CLUAP1: variants seen among roughly 807,000 people sequenced by gnomAD.
The protein encoded by CLUAP1 is intraflagellar transport 38.
CLUAP1 carries 50 observed loss-of-function variants against 55.0 expected under a neutral mutation model. The observed-to-expected ratio is 0.91, with a 90% CI of 0.72 to 1.15. CLUAP1 has a LOEUF of 1.15. Among genes scored for constraint, CLUAP1 ranks in the 50% most tolerant of loss-of-function variants. The pLI is 0.00. For missense variants in CLUAP1, 530 were observed against 507.6 expected (o/e 1.04, Z -0.42); for synonymous variants, 195 against 175.4 (o/e 1.11, Z -0.88).
At chr16:3,500,757 C>A (rs1202070921), upstream of CLUAP1, among the ~76,000 whole-genome samples, 1 of 152,234 alleles carries the variant, frequency 6.6e-6, no homozygotes, top group Non-Finnish European at 1.5e-5. Context: ...AGTAGGTACT[C>A]AGAACCTGTC....
chr16:3,504,744 TG>T lies in CLUAP1; in HGVS notation c.50del (p.Gly17AspfsTer27). ...LRNFTEMMRA[L>X]GYPRHISMEN... ...GATTTCACAGAGATGATGAGAGCCC[TG>T]GGATACCCTCGACATATTTCTATGG... On this transcript the variant is annotated frameshift_variant, in exon 2 of 12. Transcript: ENST00000576634. LOFTEE classifies it high-confidence loss of function. 1 of 1,610,440 alleles carries T rather than the reference TG, an allele frequency of 6.2e-7. No individual in the cohort carries two copies. Among genetic ancestry groups the T allele is most frequent in the Non-Finnish European group, 8.5e-7 (1 of 1,176,558 alleles).
upstream of CLUAP1, chr16:3,496,863 T>C: frequency 6.9e-6 from 2 of 288,100 alleles, no homozygotes; most frequent in South Asian, 6.5e-5. Flanking sequence ...GATTTTTCTT[T>C]TTTTCTTTTC....
chr16:3,504,926 G>A (rs2037473918), intron 2 of CLUAP1, 95 bp downstream of exon 2: 3 of 820,396 alleles, frequency 3.7e-6, no homozygotes, highest in South Asian at 1.4e-5. Context: ...GCTGCAAAAG[G>A]GAAAGTTTTT....
chr16:3,515,556 GA>G lies in CLUAP1; in HGVS notation c.549del (p.Val184Ter). On this transcript the variant is annotated frameshift_variant, in exon 6 of 12. Coordinates refer to ENST00000576634, the MANE Select transcript of CLUAP1 (RefSeq NM_015041.3). LOFTEE classifies it high-confidence loss of function. ...IARPLEINET[E>X]KVMRIAIKEI... ...CAGACCTCTGGAAATAAACGAGACTGAAAAAGTGATGAGAATTGCAATAAAA... is the reference window on the plus strand; with the variant it reads ...CAGACCTCTGGAAATAAACGAGACTGAAAAGTGATGAGAATTGCAATAAAA... 1 of 1,600,144 alleles carries G rather than the reference GA, an allele frequency of 6.2e-7. No homozygotes were observed. The highest frequency in any genetic ancestry group is 8.5e-7 in the Non-Finnish European group (1 of 1,176,392).
upstream of CLUAP1, chr16:3,496,802 CA>C (rs1223384670): frequency 2.3e-5 from 8 of 343,290 alleles, no homozygotes; most frequent in South Asian, 7.4e-5. Context: ...TGGATGCTGA[CA>C]AAAAAACAAA....
chr16:3,533,429 G>C lies in CLUAP1; in HGVS notation c.1092+588G>C, dbSNP rs772484772. The C allele has an allele frequency of 1.5e-4, 73 of 482,816 alleles. No individual in the cohort carries two copies. In the Middle Eastern group the frequency reaches 1.7e-3, roughly 11 times the overall value. 29.9% of individuals were successfully genotyped at this position (482,816 alleles called of 1,614,324 possible). ...AGGAGGACGCCGAGGGCCGGGCTCA[G>C]GACCAACCCCCCTCCCTGTTCTGTG... On this transcript the variant is annotated intron_variant, in intron 11 of 11. Transcript: ENST00000576634.
In CLUAP1 at chr16:3,508,302, A is replaced by T; in HGVS notation, c.233A>T (p.His78Leu). 1 of 1,598,502 alleles carries T rather than the reference A, an allele frequency of 6.3e-7. No individual in the cohort carries two copies. Among genetic ancestry groups the T allele is most frequent in the Non-Finnish European group, 8.5e-7 (1 of 1,176,186 alleles). Reference sequence around the variant, plus strand: ...GTCTAAAAATAGGCCACCAAGGCACATATAAAACTCAACACTAAGAAGCTT... The same window carrying T: ...GTCTAAAAATAGGCCACCAAGGCACTTATAAAACTCAACACTAAGAAGCTT... The part of the protein sequence containing the change: ...AIAQFMATKA[H>L]IKLNTKKLYQ... Residue 78 changes from histidine to leucine, a missense_variant, in exon 4 of 12, where the codon CAT (histidine) becomes CTT (leucine). Physicochemically the swap from His to Leu is moderately conservative, Grantham distance 99. Coordinates refer to ENST00000576634, the MANE Select transcript of CLUAP1 (RefSeq NM_015041.3).
chr16:3,500,296 G>C (rs561801388), upstream of CLUAP1, among the ~76,000 whole-genome samples: 1 of 152,182 alleles, frequency 6.6e-6, no homozygotes, highest in African/African-American at 2.4e-5. Flanking sequence ...TCCTCCGCTC[G>C]GCAACCAGAT....
intron 2 of CLUAP1, among the ~76,000 whole-genome samples, chr16:3,505,533 C>T (rs1205112330): frequency 7.1e-5 from 9 of 126,640 alleles, no homozygotes; most frequent in Non-Finnish European, 1.1e-4. Flanking sequence ...GGTGAAAGAG[C>T]GAGACTCCGT....
At chr16:3,525,257 CGTT>C (rs2037919269) in intron 8 of CLUAP1, among the ~76,000 whole-genome samples, 1 of 152,100 alleles carries the variant, frequency 6.6e-6, no homozygotes, top group Admixed American at 6.5e-5. Context: ...TGAAAAGAAA[CGTT>C]GGCCATTTTT....
At chr16:3,505,119 G>C (rs1471678178) in intron 2 of CLUAP1, among the ~76,000 whole-genome samples, 1 of 152,168 alleles carries the variant, frequency 6.6e-6, no homozygotes, top group Non-Finnish European at 1.5e-5. Context: ...CACACTCATA[G>C]TTCCAGCGAC....
chr16:3,508,954 T>C (rs1466367807), intron 4 of CLUAP1, among the ~76,000 whole-genome samples: 1 of 143,152 alleles, frequency 7.0e-6, no homozygotes, highest in Non-Finnish European at 1.5e-5. Context: ...TCAGGGTGTC[T>C]CAGGATGATA....
chr16:3,526,034 C>A (rs2037934493), intron 8 of CLUAP1, among the ~76,000 whole-genome samples: 1 of 152,128 alleles, frequency 6.6e-6, no homozygotes, highest in Admixed American at 6.6e-5. Context: ...TACTTTCTTC[C>A]TTTGAAAGCA....
chr16:3,516,861 C>T (rs761780800), intron 6 of CLUAP1, among the ~76,000 whole-genome samples: 4 of 151,802 alleles, frequency 2.6e-5, no homozygotes, highest in Admixed American at 1.3e-4. Context: ...AGGAGAAGTA[C>T]GAGAAAGTAA....
Position 3,537,664 on chromosome 16 carries a change from G to T in CLUAP1, c.*1393G>T, listed in dbSNP as rs1226821695. The T allele has an allele frequency of 6.9e-6, 1 of 145,902 alleles. No individual in the cohort carries two copies. Among genetic ancestry groups the T allele is most frequent in the Non-Finnish European group, 1.5e-5 (1 of 66,122 alleles). 9.0% of individuals were successfully genotyped at this position (145,902 alleles called of 1,614,324 possible). A position where few individuals can be genotyped will look rare whatever the true frequency, so the allele number is the denominator to read the frequency against. On this transcript the variant is annotated 3_prime_UTR_variant, in exon 12 of 12. Transcript: ENST00000576634. ...AGCCTGGGTGACAGAGTGAGACCCT[G>T]TCTTTAAAAAAAAGAAAAAGAAAAG... is the stretch of plus-strand genomic sequence containing the variant.
intron 9 of CLUAP1, among the ~76,000 whole-genome samples, chr16:3,528,602 G>A (rs1201229170): frequency 6.6e-6 from 1 of 152,134 alleles, no homozygotes; most frequent in African/African-American, 2.4e-5. Flanking sequence ...AGGAGCCCTG[G>A]TTTGTTGCTT....
At chr16:3,512,139 T>A (rs2037639335) in intron 4 of CLUAP1, among the ~76,000 whole-genome samples, 1 of 142,538 alleles carries the variant, frequency 7.0e-6, no homozygotes, top group African/African-American at 2.7e-5. Context: ...TGAGCCGAGA[T>A]CGCGCTATCA....
upstream of CLUAP1, chr16:3,500,990 A>C: frequency 1.0e-4 from 144 of 1,434,182 alleles, no homozygotes; most frequent in Non-Finnish European, 1.2e-4. Flanking sequence ...TGGTTGCCAT[A>C]GAGATCGTCG....
intron 10 of CLUAP1, 26 bp downstream of exon 10, chr16:3,530,701 TCCTC>T (rs1194324587): frequency 6.4e-7 from 1 of 1,572,582 alleles, no homozygotes; most frequent in Non-Finnish European, 8.7e-7. Context: ...TCGCTGGACT[TCCTC>T]CCTGCGCCCT....
Sources: allele counts gnomAD v4.1 joint callset (sites outside exome capture counted in the v4.1 genomes callset), GRCh38; gene constraint gnomAD v4.1.1; transcripts MANE v1.5; gene names NCBI Gene and HGNC (gene_info 2026-07-23, HGNC 2026-07-21).